The following KCNMB2 variants were observed in gnomAD, a reference collection of about 807,000 sequenced individuals.
KCNMB2 encodes the protein calcium-activated potassium channel subunit beta-2.
KCNMB2 carries 9 observed loss-of-function variants against 24.5 expected under a neutral mutation model. The observed-to-expected ratio is 0.37, with a 90% CI of 0.22 to 0.64. KCNMB2 has a LOEUF of 0.64. KCNMB2 is among the 30% of genes least tolerant of loss of function. KCNMB2 has a pLI of 0.63. For synonymous variants in KCNMB2, 109 were observed against 104.4 expected (o/e 1.04, Z -0.27); for missense variants, 226 against 284.3 (o/e 0.79, Z 1.47).
rs370981662 is a variant in KCNMB2, at chr3:178,741,592, C to T, written c.-67-65751C>T. On this transcript the variant is annotated intron_variant, in intron 1 of 4. Transcript: ENST00000452583. ...AGATTCCTCTCCCCACAATCCTTTTCCTGTAGGCTGGGGTTAAAAGGGGAG... is the reference window on the plus strand; with the variant it reads ...AGATTCCTCTCCCCACAATCCTTTTTCTGTAGGCTGGGGTTAAAAGGGGAG... Among the ~76,000 whole-genome samples the T allele has an allele frequency of 3.5e-4, 54 of 152,292 alleles. 1 individual carries two copies. The South Asian group carries it at 0.011, about 31-fold the overall frequency.
At chr3:178,568,865 TAGATA>T (rs1716658459) in intron 1 of KCNMB2, among the ~76,000 whole-genome samples, 1 of 126,718 alleles carries the variant, frequency 7.9e-6, no homozygotes, top group African/African-American at 3.2e-5. Context: ...GATAGATAGA[TAGATA>T]GATAGATAGA....
intron 1 of KCNMB2, among the ~76,000 whole-genome samples, chr3:178,717,212 G>T (rs1722646159): frequency 6.6e-6 from 1 of 152,012 alleles, no homozygotes; most frequent in Non-Finnish European, 1.5e-5. Flanking sequence ...AGTTTGGCCT[G>T]GGCTTTTAAA....
chr3:178,763,795 T>C (rs1461840889), intron 1 of KCNMB2, among the ~76,000 whole-genome samples: 1 of 152,154 alleles, frequency 6.6e-6, no homozygotes, highest in African/African-American at 2.4e-5. Flanking sequence ...TAGAAAACCA[T>C]AGGTTATGTT....
chr3:178,677,904 C>T (rs73044283), intron 1 of KCNMB2, among the ~76,000 whole-genome samples: 4,152 of 152,218 alleles, frequency 0.027, 173 homozygotes, highest in African/African-American at 0.094. Flanking sequence ...ACTAAATGAT[C>T]ATGTATGTTA....
At chr3:178,631,030 CAACTT>C (rs1301641951) in intron 1 of KCNMB2, among the ~76,000 whole-genome samples, 1 of 152,152 alleles carries the variant, frequency 6.6e-6, no homozygotes, top group African/African-American at 2.4e-5. Flanking sequence ...AGAAGTCAGA[CAACTT>C]AATAAAACTA....
At chr3:178,730,673 G>C (rs574990691) in intron 1 of KCNMB2, among the ~76,000 whole-genome samples, 24 of 152,162 alleles carry the variant, frequency 1.6e-4, no homozygotes, top group Admixed American at 7.8e-4. Context: ...CTTCAGCTTT[G>C]CCTGGTACCA....
chr3:178,777,067 C>G (rs1712611531), intron 1 of KCNMB2, among the ~76,000 whole-genome samples: 1 of 152,136 alleles, frequency 6.6e-6, no homozygotes, highest in Non-Finnish European at 1.5e-5. Context: ...CATAGCCTGA[C>G]AAGGTGACCA....
chr3:178,655,138 CTCTCTA>C (rs1198431417), intron 1 of KCNMB2, among the ~76,000 whole-genome samples: 63 of 137,850 alleles, frequency 4.6e-4, no homozygotes, highest in African/African-American at 1.5e-3. Flanking sequence ...CTCTCTCTCT[CTCTCTA>C]TCTCTATTTC....
At chr3:178,830,196 T>C (rs924854228) in intron 4 of KCNMB2, among the ~76,000 whole-genome samples, 1 of 152,242 alleles carries the variant, frequency 6.6e-6, no homozygotes, top group Non-Finnish European at 1.5e-5. Context: ...TTTTTAAGCA[T>C]TATATAAATG....
At chr3:178,730,202 T>C (rs367672902) in intron 1 of KCNMB2, among the ~76,000 whole-genome samples, 1 of 152,306 alleles carries the variant, frequency 6.6e-6, no homozygotes, top group East Asian at 1.9e-4. Context: ...AATCACATAC[T>C]ACTAAAAAAT....
chr3:178,817,957 G>C (rs1714473118), intron 2 of KCNMB2, among the ~76,000 whole-genome samples: 1 of 152,102 alleles, frequency 6.6e-6, no homozygotes, highest in Admixed American at 6.5e-5. Context: ...GTATTCACTG[G>C]GCCAGAGAGG....
chr3:178,705,235 T>A (rs368269641), intron 1 of KCNMB2, among the ~76,000 whole-genome samples: 10 of 152,152 alleles, frequency 6.6e-5, no homozygotes, highest in African/African-American at 2.2e-4. Flanking sequence ...CTATTCTGAG[T>A]CCCTGAACAG....
chr3:178,568,806 GATAGATAGATA>G (rs1716636194), intron 1 of KCNMB2, among the ~76,000 whole-genome samples: 1 of 49,942 alleles, frequency 2.0e-5, no homozygotes, highest in African/African-American at 9.8e-5. Flanking sequence ...TAGATAGATA[GATAGATAGATA>G]ATAGATAGAT....
At chr3:178,585,577 C>G (rs539891640) in intron 1 of KCNMB2, among the ~76,000 whole-genome samples, 1 of 152,230 alleles carries the variant, frequency 6.6e-6, no homozygotes, top group Non-Finnish European at 1.5e-5. Flanking sequence ...GATCAGCAAT[C>G]TTATCTGGGT....
At chr3:178,752,937 C>G (rs995036564) in intron 1 of KCNMB2, among the ~76,000 whole-genome samples, 8 of 152,130 alleles carry the variant, frequency 5.3e-5, no homozygotes, top group Admixed American at 5.2e-4. Flanking sequence ...GGCTAGTAAT[C>G]AGAATTCACC....
chr3:178,579,389 T>C (rs1302434464), intron 1 of KCNMB2, among the ~76,000 whole-genome samples: 1 of 152,164 alleles, frequency 6.6e-6, no homozygotes, highest in East Asian at 1.9e-4. Context: ...GGGAAATTTA[T>C]AGCACTAAAT....
intron 1 of KCNMB2, among the ~76,000 whole-genome samples, chr3:178,683,893 T>C (rs1280088108): frequency 6.6e-6 from 1 of 152,108 alleles, no homozygotes; most frequent in Non-Finnish European, 1.5e-5. Flanking sequence ...TGAAGAACAG[T>C]ATGGAGGTTT....
chr3:178,723,010 TA>T (rs201204655), intron 1 of KCNMB2, among the ~76,000 whole-genome samples: 1 of 151,628 alleles, frequency 6.6e-6, no homozygotes. Flanking sequence ...TGTATCTTTG[TA>T]AAAAAAAATC....
At chr3:178,829,638 C>A (rs769681797) in intron 4 of KCNMB2, among the ~76,000 whole-genome samples, 6 of 152,166 alleles carry the variant, frequency 3.9e-5, no homozygotes, top group Non-Finnish European at 5.9e-5. Flanking sequence ...TAAGTCAGAT[C>A]TTAAAATCAA....
Sources: gnomAD v4.1 joint callset for allele counts (sites outside exome capture counted in the v4.1 genomes callset) on GRCh38, gnomAD v4.1.1 for gene constraint, MANE v1.5 for transcripts, NCBI Gene and HGNC (gene_info 2026-07-23, HGNC 2026-07-21) for gene names.